The following HLTF variants were observed in gnomAD, a reference collection of about 807,000 sequenced individuals.
The protein encoded by HLTF is helicase like transcription factor, also known as DNA-dependent ATPase/E3 ubiquitin-protein ligase HLTF.
A neutral mutation model predicts 129.4 loss-of-function variants in HLTF; 127 were observed. The observed-to-expected ratio is 0.98, with a 90% CI of 0.85 to 1.14. The LOEUF is 1.14. Ranked by LOEUF, HLTF falls within the 50% of genes most tolerant of loss-of-function variation. The pLI is 0.00. For synonymous variants in HLTF, 332 were observed against 388.8 expected (o/e 0.85, Z 1.72); for missense variants, 1,139 against 1,187.1 (o/e 0.96, Z 0.60).
chr3:149,042,622 C>G (rs1437809424), intron 18 of HLTF, among the ~76,000 whole-genome samples: 1 of 152,152 alleles, frequency 6.6e-6, no homozygotes, highest in Non-Finnish European at 1.5e-5. Context: ...TGTGCAGAAA[C>G]AGGAACAGGG....
rs1449453096 is a variant in HLTF, at chr3:149,031,312, C to T, written c.*908G>A. 1.3e-5 allele frequency: 2 copies of T among 152,588 alleles called. No homozygotes were observed. Among genetic ancestry groups the T allele is most frequent in the Non-Finnish European group, 2.9e-5 (2 of 68,028 alleles). The allele number at this position is 152,588 out of a possible 1,614,324, so 9.5% of individuals were successfully genotyped here. On this transcript the variant is annotated 3_prime_UTR_variant, in exon 25 of 25. Transcript: ENST00000310053. Reference sequence around the variant, plus strand: ...TAAGAGTTGAAACGACTTTGGAGATCATCCAGCCCAACTTCCATCCAGATA... The same window carrying T: ...TAAGAGTTGAAACGACTTTGGAGATTATCCAGCCCAACTTCCATCCAGATA...
At chr3:149,035,396 TCCC>T (rs1715485022) in intron 23 of HLTF, among the ~76,000 whole-genome samples, 1 of 151,992 alleles carries the variant, frequency 6.6e-6, no homozygotes. Context: ...TTTAGTTTTC[TCCC>T]CCTTTTCTGG....
Position 149,050,294 on chromosome 3 carries a change from C to T in HLTF, c.1555G>A (p.Ala519Thr), listed in dbSNP as rs372248167. ...YYGPDRIREP[A>T]LLSKQDIVLT... The stretch of plus-strand genomic sequence containing the variant: ...ACAATATCCTGTTTTGAAAGTAAGG[C>T]CGGTTCTCTAATACGATCAGGACCA... Residue 519 changes from alanine (A) to threonine (T), a missense_variant, in exon 15 of 25, where the codon GCC (alanine) becomes ACC (threonine). Ala to Thr is a moderately conservative substitution (Grantham distance 58). Transcript: ENST00000310053. 1.8e-5 allele frequency: 29 copies of T among 1,600,420 alleles called. No individual in the cohort carries two copies. Among genetic ancestry groups the T allele is most frequent in the Admixed American group, 3.3e-5 (2 of 59,728 alleles).
chr3:149,076,357 C>T (rs986542918), intron 2 of HLTF, among the ~76,000 whole-genome samples: 1 of 152,154 alleles, frequency 6.6e-6, no homozygotes, highest in Non-Finnish European at 1.5e-5. Context: ...AAATAGCCAA[C>T]CCTTATTGAG....
intron 8 of HLTF, among the ~76,000 whole-genome samples, chr3:149,065,984 T>G (rs1022768195): frequency 7.9e-5 from 12 of 152,100 alleles, no homozygotes; most frequent in African/African-American, 2.4e-4. Flanking sequence ...ACCATTTATA[T>G]TAAACAGTAT....
intron 13 of HLTF, among the ~76,000 whole-genome samples, chr3:149,058,582 C>A (rs1717668717): frequency 6.6e-6 from 1 of 152,110 alleles, no homozygotes; most frequent in South Asian, 2.1e-4. Flanking sequence ...TCAGTTTTAT[C>A]ATTTTTTACT....
chr3:149,076,047 C>G lies in HLTF; in HGVS notation c.229G>C (p.Val77Leu). Residue 77 changes from valine to leucine, a missense_variant and splice_region_variant, in exon 3 of 25, where the codon GTT becomes CTT. By Grantham distance (32) the Val-to-Leu change is conservative. Coordinates refer to ENST00000310053, the MANE Select transcript of HLTF (RefSeq NM_003071.4). ...AATGCAACCATTTCATTATTATTAA[C>G]CTAATAAAAATGATAAACAGATAAT... ...VVGLRYYTGV[V>L]NNNEMVALQR... is the part of the protein sequence containing the mutation. 1.7e-6 allele frequency: 2 copies of G among 1,193,154 alleles called. No homozygotes were observed. Among genetic ancestry groups the G allele is most frequent in the Non-Finnish European group, 2.4e-6 (2 of 829,742 alleles). 73.9% of individuals were successfully genotyped at this position (1,193,154 alleles called of 1,614,324 possible). A position where few individuals can be genotyped will look rare whatever the true frequency, so the allele number is the denominator to read the frequency against.
At chr3:149,060,614 T>C (rs966076723) in intron 12 of HLTF, 29 bp downstream of exon 12, 1 of 1,522,882 alleles carries the variant, frequency 6.6e-7, no homozygotes, top group East Asian at 2.3e-5. Context: ...TCTTGAAGTC[T>C]AGATTATGGG....
rs777939228 is a variant in HLTF, at chr3:149,060,987, A to AT, written c.1161-130dup. 6.1e-4 allele frequency: 389 copies of AT among 641,548 alleles called. 2 individuals are homozygous for AT. The highest frequency in any genetic ancestry group is 1.3e-4 in the Non-Finnish European group (48 of 369,846). 39.7% of individuals were successfully genotyped at this position (641,548 alleles called of 1,614,324 possible). Reference sequence around the variant, plus strand: ...TTATTTTTTGAAAAATTTTTTAAAGATTTTGACAAATGAAAGTCAGATCTG... The same window carrying AT: ...TTATTTTTTGAAAAATTTTTTAAAGATTTTTGACAAATGAAAGTCAGATCTG... On this transcript the variant is annotated intron_variant, in intron 10 of 24. Transcript: ENST00000310053.
At chr3:149,080,223 T>A (rs748562089) in intron 2 of HLTF, among the ~76,000 whole-genome samples, 6 of 152,228 alleles carry the variant, frequency 3.9e-5, no homozygotes, top group Admixed American at 3.9e-4. Flanking sequence ...CAAATGGGAA[T>A]GAGGTTTCTT....
At chr3:149,068,846 C>T (rs1328096146) in intron 7 of HLTF, among the ~76,000 whole-genome samples, 1 of 152,154 alleles carries the variant, frequency 6.6e-6, no homozygotes, top group African/African-American at 2.4e-5. Context: ...TTTACTGCAG[C>T]TTAATTCATA....
At position 149,030,375 on chromosome 3, in the gene HLTF, A is replaced by T. The variant is rs1480514823; in HGVS notation, c.*1845T>A. On this transcript the variant is annotated 3_prime_UTR_variant, in exon 25 of 25. Coordinates refer to ENST00000310053, the MANE Select transcript of HLTF (RefSeq NM_003071.4). Reference sequence around the variant, plus strand: ...TTAAAATATAACAACATCTAACAGAACTGTACAAAACAAAGAGACATTTTT... The same window carrying T: ...TTAAAATATAACAACATCTAACAGATCTGTACAAAACAAAGAGACATTTTT... 1 of 152,196 alleles carries T rather than the reference A, an allele frequency of 6.6e-6. No homozygotes were observed. The highest frequency in any genetic ancestry group is 1.9e-4 in the East Asian group (1 of 5,196). 9.4% of individuals were successfully genotyped at this position (152,196 alleles called of 1,614,324 possible). A position where few individuals can be genotyped will look rare whatever the true frequency, so the allele number is the denominator to read the frequency against.
rs754300673 is a variant in HLTF, at chr3:149,060,874, C to T, written c.1161-16G>A. ...AGTTTTTCTTCTAAAATTAAGTATACACAAAGAAATTTTTGGACCAACCCA... is the reference window on the plus strand; with the variant it reads ...AGTTTTTCTTCTAAAATTAAGTATATACAAAGAAATTTTTGGACCAACCCA... On this transcript the variant is annotated splice_polypyrimidine_tract_variant and intron_variant, in intron 10 of 24. Coordinates refer to ENST00000310053, the MANE Select transcript of HLTF (RefSeq NM_003071.4). The T allele has an allele frequency of 1.9e-6, 3 of 1,575,232 alleles. No homozygotes were observed. The highest frequency in any genetic ancestry group is 2.2e-5 in the East Asian group (1 of 44,566).
intron 20 of HLTF, among the ~76,000 whole-genome samples, chr3:149,040,508 T>TA (rs201177848): frequency 0.016 from 2,358 of 151,462 alleles, 29 homozygotes; most frequent in Middle Eastern, 0.031. Flanking sequence ...TACTATTCTT[T>TA]AAAAAAAAAT....
intron 2 of HLTF, 128 bp downstream of exon 2, chr3:149,084,554 G>T: frequency 1.4e-6 from 1 of 692,154 alleles, no homozygotes; most frequent in Non-Finnish European, 2.4e-6. Context: ...GTTATTTTTT[G>T]CGTACAAATA....
chr3:149,042,029 G>A, intron 19 of HLTF, 137 bp downstream of exon 19: 2 of 723,780 alleles, frequency 2.8e-6, no homozygotes, highest in Non-Finnish European at 4.7e-6. Context: ...TGTATTCCTA[G>A]CTGAGTCTCA....
At chr3:149,079,497 T>G (rs1294794010) in intron 2 of HLTF, among the ~76,000 whole-genome samples, 3 of 76,364 alleles carry the variant, frequency 3.9e-5, no homozygotes, top group East Asian at 4.0e-4. Context: ...TATAAATCTT[T>G]GTTGATAGGT....
intron 2 of HLTF, among the ~76,000 whole-genome samples, chr3:149,078,847 A>G (rs562681934): frequency 5.4e-4 from 76 of 141,954 alleles, no homozygotes; most frequent in Non-Finnish European, 2.9e-4. Flanking sequence ...ACAAAGCAAG[A>G]CTCCGTCTCA....
chr3:149,080,960 T>C (rs1559885149), intron 2 of HLTF, among the ~76,000 whole-genome samples: 1 of 152,182 alleles, frequency 6.6e-6, no homozygotes, highest in Non-Finnish European at 1.5e-5. Flanking sequence ...AAGATTATAA[T>C]GGGGCTGCCC....
Sources: gnomAD v4.1 joint callset for allele counts (sites outside exome capture counted in the v4.1 genomes callset) on GRCh38, gnomAD v4.1.1 for gene constraint, MANE v1.5 for transcripts, NCBI Gene and HGNC (gene_info 2026-07-23, HGNC 2026-07-21) for gene names.